PCDH15: variants seen among roughly 807,000 people sequenced by gnomAD.
PCDH15 encodes protocadherin-15.
In PCDH15, 129 loss-of-function variants were observed where a neutral mutation model predicts 178.5. The observed-to-expected ratio is 0.72, with a 90% CI of 0.63 to 0.84. The LOEUF is 0.84. Among genes scored for constraint, PCDH15 ranks in the 40% least tolerant of loss-of-function variants. PCDH15 has a pLI of 0.00. For missense variants in PCDH15, 2,230 were observed against 2,099.9 expected, an observed-to-expected ratio of 1.06 and a Z score of -1.21; for synonymous variants, 800 against 732.0, an observed-to-expected ratio of 1.09 and a Z score of -1.50.
intron 2 of PCDH15, among the ~76,000 whole-genome samples, chr10:55,610,808 A>C (rs1843350866): frequency 6.6e-6 from 1 of 152,072 alleles, no homozygotes; most frequent in Non-Finnish European, 1.5e-5. Context: ...CAAACCCCAT[A>C]CTAAACAGTT....
intron 2 of PCDH15, among the ~76,000 whole-genome samples, chr10:55,498,933 C>T (rs1840593860): frequency 1.3e-5 from 2 of 151,850 alleles, no homozygotes; most frequent in Admixed American, 1.3e-4. Context: ...CATGTTTGCT[C>T]AGGGCCAGAT....
intron 8 of PCDH15, among the ~76,000 whole-genome samples, chr10:54,237,161 A>G (rs2054717628): frequency 6.6e-6 from 1 of 152,156 alleles, no homozygotes; most frequent in Non-Finnish European, 1.5e-5. Context: ...AGACATTTAT[A>G]TCAGTAACTA....
At chr10:54,334,450 C>T (rs546835932) in intron 6 of PCDH15, among the ~76,000 whole-genome samples, 53 of 152,176 alleles carry the variant, frequency 3.5e-4, no homozygotes, top group African/African-American at 1.1e-3. Context: ...TTAGATAAAA[C>T]GGCAGCTCTC....
At chr10:54,881,881 T>C (rs1282739644) in intron 3 of PCDH15, among the ~76,000 whole-genome samples, 2 of 152,178 alleles carry the variant, frequency 1.3e-5, no homozygotes, top group Non-Finnish European at 2.9e-5. Flanking sequence ...TTTGAAGTAA[T>C]GGGCAGGAAT....
chr10:55,098,913 A>C (rs931304260), intron 2 of PCDH15, among the ~76,000 whole-genome samples: 9 of 151,068 alleles, frequency 6.0e-5, no homozygotes, highest in African/African-American at 2.2e-4. Context: ...AGAGAGAGAG[A>C]GAGAGAGAGA....
chr10:55,408,647 G>T (rs190944452), intron 2 of PCDH15, among the ~76,000 whole-genome samples: 145 of 152,116 alleles, frequency 9.5e-4, no homozygotes, highest in Non-Finnish European at 1.6e-3. Flanking sequence ...TTTAAAAATG[G>T]TATACAATAT....
chr10:53,885,931 A>T (rs1243236448), intron 26 of PCDH15, among the ~76,000 whole-genome samples: 1 of 152,204 alleles, frequency 6.6e-6, no homozygotes, highest in Admixed American at 6.5e-5. Context: ...AGCATTCTAT[A>T]CTAATGCTGA....
intron 3 of PCDH15, among the ~76,000 whole-genome samples, chr10:54,416,753 G>A (rs539454427): frequency 6.6e-6 from 1 of 152,204 alleles, no homozygotes; most frequent in East Asian, 1.9e-4. Context: ...CAGTGTAAAA[G>A]TGTGCCTATT....
intron 26 of PCDH15, among the ~76,000 whole-genome samples, chr10:53,878,919 T>C (rs2133314363): frequency 6.6e-6 from 1 of 152,234 alleles, no homozygotes; most frequent in Non-Finnish European, 1.5e-5. Flanking sequence ...TGCTCCTCAT[T>C]TGTAAAATGA....
chr10:55,038,972 T>A (rs1358175746), intron 2 of PCDH15, among the ~76,000 whole-genome samples: 4 of 152,156 alleles, frequency 2.6e-5, no homozygotes, highest in Non-Finnish European at 5.9e-5. Flanking sequence ...TTTATTGTTA[T>A]TATTTCTATT....
At chr10:54,992,385 G>A (rs2131918490) in intron 2 of PCDH15, among the ~76,000 whole-genome samples, 1 of 152,222 alleles carries the variant, frequency 6.6e-6, no homozygotes, top group East Asian at 1.9e-4. Flanking sequence ...CAAGTCAGTT[G>A]ACCTAAAGTT....
At chr10:55,260,187 A>G (rs569255413) in intron 1 of PCDH15, among the ~76,000 whole-genome samples, 3 of 152,040 alleles carry the variant, frequency 2.0e-5, no homozygotes, top group Non-Finnish European at 4.4e-5. Context: ...TATCCATTAT[A>G]TGTGAAAAGA....
At chr10:54,157,764 T>C (rs2045308059) in intron 13 of PCDH15, among the ~76,000 whole-genome samples, 2 of 152,196 alleles carry the variant, frequency 1.3e-5, no homozygotes, top group Non-Finnish European at 2.9e-5. Context: ...TAAAACTGAA[T>C]GCACTTAACA....
intron 32 of PCDH15, chr10:53,821,881 G>A (rs1165362672): frequency 6.2e-7 from 1 of 1,613,364 alleles, no homozygotes; most frequent in Non-Finnish European, 8.5e-7. Context: ...GATTGACTGT[G>A]AGATTGTTTT....
At chr10:54,311,292 A>AT (rs2060890149) in intron 8 of PCDH15, among the ~76,000 whole-genome samples, 2 of 152,182 alleles carry the variant, frequency 1.3e-5, no homozygotes, top group East Asian at 1.9e-4. Flanking sequence ...TATATCATTC[A>AT]TTTTTCTGTC....
At chr10:55,380,388 T>C (rs1402573361) in intron 2 of PCDH15, among the ~76,000 whole-genome samples, 1 of 152,228 alleles carries the variant, frequency 6.6e-6, no homozygotes, top group African/African-American at 2.4e-5. Flanking sequence ...GACAATTCTC[T>C]ATGGGTCTTT....
intron 3 of PCDH15, among the ~76,000 whole-genome samples, chr10:54,845,267 C>T (rs1368627093): frequency 1.3e-5 from 2 of 151,850 alleles, no homozygotes; most frequent in African/African-American, 4.8e-5. Context: ...TCCTGAATTG[C>T]CACATAATAC....
chr10:55,085,222 A>G (rs1842138029), intron 2 of PCDH15, among the ~76,000 whole-genome samples: 1 of 151,984 alleles, frequency 6.6e-6, no homozygotes, highest in South Asian at 2.1e-4. Flanking sequence ...TGGTATGGGT[A>G]CTGAAGGTCA....
intron 2 of PCDH15, among the ~76,000 whole-genome samples, chr10:55,509,814 T>G (rs1840839844): frequency 6.6e-6 from 1 of 151,948 alleles, no homozygotes; most frequent in Non-Finnish European, 1.5e-5. Flanking sequence ...AAGCATTATT[T>G]ATGATTCTTA....
Sources: gnomAD v4.1 joint callset for allele counts (sites outside exome capture counted in the v4.1 genomes callset) on GRCh38, gnomAD v4.1.1 for gene constraint, MANE v1.5 for transcripts, NCBI Gene and HGNC (gene_info 2026-07-23, HGNC 2026-07-21) for gene names.